TMEM117: variants seen among roughly 807,000 people sequenced by gnomAD.
The protein encoded by TMEM117 is transmembrane protein 117.
TMEM117 carries 27 observed loss-of-function variants against 52.4 expected under a neutral mutation model. That is an observed-to-expected ratio of 0.51 (90% CI 0.38 to 0.71). TMEM117 has a LOEUF of 0.71. Among genes scored for constraint, TMEM117 ranks in the 30% least tolerant of loss-of-function variants. TMEM117 has a pLI of 0.00. For missense variants in TMEM117, 556 were observed against 630.5 expected (o/e 0.88, Z 1.26); for synonymous variants, 215 against 206.3 (o/e 1.04, Z -0.36).
intron 5 of TMEM117, among the ~76,000 whole-genome samples, chr12:44,239,812 A>T (rs1449761738): frequency 6.6e-6 from 1 of 152,124 alleles, no homozygotes; most frequent in East Asian, 1.9e-4. Context: ...AAAGAGTGTT[A>T]TAAAAAAAAG....
intron 2 of TMEM117, among the ~76,000 whole-genome samples, chr12:43,881,357 C>T (rs1943892437): frequency 6.6e-6 from 1 of 152,142 alleles, no homozygotes; most frequent in Non-Finnish European, 1.5e-5. Context: ...CTCTCTGTCA[C>T]CCAGGCTGGA....
chr12:44,057,113 A>C (rs2137942972), intron 3 of TMEM117, among the ~76,000 whole-genome samples: 1 of 152,282 alleles, frequency 6.6e-6, no homozygotes, highest in South Asian at 2.1e-4. Flanking sequence ...TAAAAGTTAT[A>C]TTTTACTTTG....
intron 3 of TMEM117, among the ~76,000 whole-genome samples, chr12:44,122,494 G>C (rs1389846927): frequency 6.6e-6 from 1 of 152,102 alleles, no homozygotes; most frequent in Admixed American, 6.6e-5. Flanking sequence ...TTGCTGCACA[G>C]ATCATCCCAT....
In TMEM117 at chr12:44,136,377, T is replaced by C. The variant is rs186842578; in HGVS notation, c.411-7148T>C. Among the ~76,000 whole-genome samples the C allele has an allele frequency of 3.3e-4, 50 of 152,270 alleles. 2 individuals carry two copies. Among genetic ancestry groups the C allele is most frequent in the Admixed American group, 3.3e-3 (50 of 15,296 alleles). ...CATATTCCTGGAGTGTTTGGGAAGT[T>C]GATAAAAGAAAAGAATTAAACTATG... On this transcript the variant is annotated intron_variant, in intron 3 of 7. Coordinates refer to ENST00000266534, the MANE Select transcript of TMEM117 (RefSeq NM_032256.3).
chr12:44,096,636 G>A (rs1240096723), intron 3 of TMEM117, among the ~76,000 whole-genome samples: 2 of 151,660 alleles, frequency 1.3e-5, no homozygotes, highest in African/African-American at 2.4e-5. Context: ...TTTAATAAAT[G>A]GTGCTGGGAA....
intron 3 of TMEM117, among the ~76,000 whole-genome samples, chr12:44,015,258 A>C (rs1686185795): frequency 6.6e-6 from 1 of 152,206 alleles, no homozygotes; most frequent in African/African-American, 2.4e-5. Context: ...CATTGTATCC[A>C]TATTGATATT....
At chr12:44,045,640 C>G (rs1243764135) in intron 3 of TMEM117, among the ~76,000 whole-genome samples, 1 of 152,010 alleles carries the variant, frequency 6.6e-6, no homozygotes, top group African/African-American at 2.4e-5. Context: ...GTCAGGAGTT[C>G]AAGACCAGCC....
In TMEM117 at chr12:43,988,772, A is replaced by C. The variant is rs564713846; in HGVS notation, c.410+44430A>C. Reference sequence around the variant, plus strand: ...TAAATTTATACAAATATTAAAAAACAAAATGAAATAAATATGAGGCTGCTC... The same window carrying C: ...TAAATTTATACAAATATTAAAAAACCAAATGAAATAAATATGAGGCTGCTC... On this transcript the variant is annotated intron_variant, in intron 3 of 7. Coordinates refer to ENST00000266534, the MANE Select transcript of TMEM117 (RefSeq NM_032256.3). Among the ~76,000 whole-genome samples the C allele has an allele frequency of 7.9e-5, 12 of 152,288 alleles. No homozygotes were observed. In the South Asian group the frequency reaches 2.3e-3, roughly 29 times the overall value.
the TMEM117 span, among the ~76,000 whole-genome samples, chr12:43,827,766 C>T: frequency 3.3e-5 from 5 of 152,116 alleles, no homozygotes; most frequent in Non-Finnish European, 7.3e-5. Flanking sequence ...CCACTTGGAA[C>T]CTCAGAATGT....
At chr12:44,021,776 C>T (rs1946459049) in intron 3 of TMEM117, among the ~76,000 whole-genome samples, 1 of 152,158 alleles carries the variant, frequency 6.6e-6, no homozygotes, top group Non-Finnish European at 1.5e-5. Flanking sequence ...CCAAGTTCTC[C>T]TCCCCTGGAG....
intron 6 of TMEM117, among the ~76,000 whole-genome samples, chr12:44,349,433 TC>T (rs1951533211): frequency 6.6e-6 from 1 of 152,058 alleles, no homozygotes; most frequent in Non-Finnish European, 1.5e-5. Context: ...AATCAAGTTG[TC>T]TGGGTACTTC....
In TMEM117 at chr12:44,241,264, G is replaced by A. The variant is rs150492848; in HGVS notation, c.608+29877G>A. ...AAATATTTTTGATCTGATGTTAATT[G>A]TATCCACAGATGTGGAGCCTGCACA... On this transcript the variant is annotated intron_variant, in intron 5 of 7. Transcript: ENST00000266534. 6.0e-5 allele frequency among the ~76,000 whole-genome samples: 9 copies of A among 148,982 alleles called. No homozygotes were observed. In the East Asian group the frequency reaches 1.4e-3, roughly 23 times the overall value.
chr12:44,120,808 T>C, intron 3 of TMEM117, among the ~76,000 whole-genome samples: 1 of 152,194 alleles, frequency 6.6e-6, no homozygotes, highest in East Asian at 1.9e-4. Context: ...GCAACCATAG[T>C]TAAGAGGTCC....
chr12:44,098,480 G>T (rs1037642296), intron 3 of TMEM117, among the ~76,000 whole-genome samples: 14 of 152,008 alleles, frequency 9.2e-5, no homozygotes, highest in African/African-American at 3.4e-4. Context: ...ATTCTTAGAT[G>T]TGTCTGCCTA....
chr12:44,130,133 T>C (rs1315552525), intron 3 of TMEM117, among the ~76,000 whole-genome samples: 2 of 152,218 alleles, frequency 1.3e-5, no homozygotes, highest in Non-Finnish European at 2.9e-5. Context: ...TGAAACTTTG[T>C]TATACTAATT....
intron 3 of TMEM117, among the ~76,000 whole-genome samples, chr12:44,120,239 G>C (rs1412755135): frequency 6.6e-6 from 1 of 152,098 alleles, no homozygotes; most frequent in Non-Finnish European, 1.5e-5. Flanking sequence ...TTTCCCGATG[G>C]CTGTCTTCTA....
chr12:44,372,309 A>G (rs1951874892), intron 6 of TMEM117, among the ~76,000 whole-genome samples: 1 of 152,158 alleles, frequency 6.6e-6, no homozygotes, highest in African/African-American at 2.4e-5. Context: ...CAACATTTTT[A>G]TCTTGTGTTC....
chr12:43,970,960 G>GCTA (rs1387312140), intron 3 of TMEM117, among the ~76,000 whole-genome samples: 1 of 151,940 alleles, frequency 6.6e-6, no homozygotes, highest in Admixed American at 6.5e-5. Flanking sequence ...TATGTCAACG[G>GCTA]TATTCAACCT....
chr12:44,021,519 G>A (rs530208234), intron 3 of TMEM117, among the ~76,000 whole-genome samples: 2 of 152,278 alleles, frequency 1.3e-5, no homozygotes, highest in South Asian at 4.1e-4. Context: ...GCAGGCTAGG[G>A]TGGTTAGCTA....
Sources: allele counts gnomAD v4.1 joint callset (sites outside exome capture counted in the v4.1 genomes callset), GRCh38; gene constraint gnomAD v4.1.1; transcripts MANE v1.5; gene names NCBI Gene and HGNC (gene_info 2026-07-23, HGNC 2026-07-21).